NCAPH: variants seen among roughly 807,000 people sequenced by gnomAD.
NCAPH encodes condensin complex subunit 2.
In NCAPH, 38 loss-of-function variants were observed where a neutral mutation model predicts 85.5. The observed-to-expected ratio is 0.44, with a 90% CI of 0.34 to 0.58. The LOEUF is 0.58. NCAPH is among the 20% of genes least tolerant of loss of function. The probability of loss-of-function intolerance (pLI) is 0.01; values close to 1 mark genes in which losing one functional copy is unlikely to be tolerated. For missense variants in NCAPH, 789 were observed against 916.6 expected, an observed-to-expected ratio of 0.86 and a Z score of 1.80; for synonymous variants, 301 against 335.1, an observed-to-expected ratio of 0.90 and a Z score of 1.11.
In NCAPH at chr2:96,361,578, G is replaced by A. The variant is rs113433856; in HGVS notation, c.1587+868G>A. 1.5e-3 allele frequency among the ~76,000 whole-genome samples: 225 copies of A among 151,690 alleles called. 2 individuals are homozygous for A. Among genetic ancestry groups the A allele is most frequent in the Middle Eastern group, 6.8e-3 (2 of 294 alleles). ...ACCCTGATTACTGCCTCCTTCATTT[G>A]CCTGGGGCTCTTCTCACATGTCCCT... On this transcript the variant is annotated intron_variant, in intron 12 of 17. Coordinates refer to ENST00000240423, the MANE Select transcript of NCAPH (RefSeq NM_015341.5).
At chr2:96,338,535 A>G (rs2064246495) in intron 1 of NCAPH, among the ~76,000 whole-genome samples, 1 of 152,190 alleles carries the variant, frequency 6.6e-6, no homozygotes, top group Non-Finnish European at 1.5e-5. Flanking sequence ...TGCTCATGTG[A>G]TTAAGTTAAG....
intron 9 of NCAPH, among the ~76,000 whole-genome samples, chr2:96,355,074 ATTGAGAATAT>A (rs1301114493): frequency 1.3e-5 from 2 of 152,158 alleles, no homozygotes; most frequent in African/African-American, 4.8e-5. Context: ...CAACCAATAA[ATTGAGAATAT>A]TTGGAGGAGA....
At chr2:96,362,378 C>G (rs574904391) in intron 12 of NCAPH, among the ~76,000 whole-genome samples, 4 of 152,230 alleles carry the variant, frequency 2.6e-5, no homozygotes, top group Admixed American at 2.6e-4. Flanking sequence ...GCCTGTAATC[C>G]TAGCACTTTG....
intron 1 of NCAPH, among the ~76,000 whole-genome samples, chr2:96,341,124 G>T (rs1423719030): frequency 6.6e-6 from 1 of 152,112 alleles, no homozygotes; most frequent in Non-Finnish European, 1.5e-5. Context: ...TTTTCCTTTT[G>T]TAGTTAGCAA....
At chr2:96,340,336 G>C (rs990378865) in intron 1 of NCAPH, among the ~76,000 whole-genome samples, 1 of 149,092 alleles carries the variant, frequency 6.7e-6, no homozygotes, top group African/African-American at 2.5e-5. Flanking sequence ...TCTGGGATTA[G>C]ATACCCACCT....
At chr2:96,368,950 T>C (rs889331545) in intron 15 of NCAPH, 22 bp from the exon 16 acceptor site, 39 of 1,550,440 alleles carry the variant, frequency 2.5e-5, no homozygotes, top group Non-Finnish European at 3.2e-5. Context: ...AACTGTCCGA[T>C]GTATAAATGT....
intron 12 of NCAPH, among the ~76,000 whole-genome samples, 190 bp from the exon 13 acceptor site, chr2:96,364,291 G>A (rs1454346614): frequency 6.6e-6 from 1 of 152,186 alleles, no homozygotes; most frequent in Non-Finnish European, 1.5e-5. Flanking sequence ...GAGATGCTGA[G>A]CCCTGCTACT....
At chr2:96,368,895 G>A in intron 15 of NCAPH, 77 bp from the exon 16 acceptor site, 1 of 1,358,188 alleles carries the variant, frequency 7.4e-7, no homozygotes, top group African/African-American at 1.5e-5. Context: ...ACTTTTTGGT[G>A]ACACAACTTT....
At chr2:96,370,008 T>A (rs1344898584) in intron 17 of NCAPH, among the ~76,000 whole-genome samples, 1 of 152,204 alleles carries the variant, frequency 6.6e-6, no homozygotes, top group Non-Finnish European at 1.5e-5. Context: ...CGTGGCAGAC[T>A]CCTGTGCTAG....
In NCAPH at chr2:96,376,043, A is replaced by G. The variant is rs978897424; in HGVS notation, c.*2692A>G. ...GTTACCCAGTTTCAGGTATTCTGTT[A>G]TAGGTAACAGAAAACAAACTAATAC... is the stretch of plus-strand genomic sequence containing the variant. On this transcript the variant is annotated 3_prime_UTR_variant, in exon 18 of 18. Transcript: ENST00000240423. Among the ~76,000 whole-genome samples the G allele has an allele frequency of 6.6e-6, 1 of 152,214 alleles. No individual in the cohort carries two copies. Among genetic ancestry groups the G allele is most frequent in the Non-Finnish European group, 1.5e-5 (1 of 68,046 alleles).
At chr2:96,368,497 A>C (rs1280964529) in intron 15 of NCAPH, among the ~76,000 whole-genome samples, 1 of 152,112 alleles carries the variant, frequency 6.6e-6, no homozygotes, top group Non-Finnish European at 1.5e-5. Flanking sequence ...TCTACTAAAA[A>C]ATACAAAAAA....
intron 9 of NCAPH, among the ~76,000 whole-genome samples, chr2:96,354,812 G>T (rs184625289): frequency 2.0e-5 from 3 of 152,338 alleles, no homozygotes; most frequent in Non-Finnish European, 4.4e-5. Context: ...GCAAGAGTTT[G>T]TAAGGATTAG....
intron 11 of NCAPH, 109 bp downstream of exon 11, chr2:96,360,358 C>A: frequency 1.2e-6 from 1 of 817,382 alleles, no homozygotes; most frequent in Non-Finnish European, 1.9e-6. Context: ...TGGTTTCATT[C>A]TTCCTTGTTC....
chr2:96,335,835 A>G lies in NCAPH; in HGVS notation c.6A>G (p.Gly2=), dbSNP rs1318450958. 16 of 1,494,792 alleles carry G rather than the reference A, an allele frequency of 1.1e-5. No homozygotes were observed. The highest frequency in any genetic ancestry group is 3.8e-5 in the South Asian group (3 of 78,178). 92.6% of individuals were successfully genotyped at this position (1,494,792 alleles called of 1,614,324 possible). Reference sequence around the variant, plus strand: ...TCAGGAGACGCCAAGGAAAGATGGGACCTCCCGGCCCAGGTGAGCCGGGCG... The same window carrying G: ...TCAGGAGACGCCAAGGAAAGATGGGGCCTCCCGGCCCAGGTGAGCCGGGCG... The part of the protein sequence containing the change: M[G]PPGPALPATM... Residue 2 remains glycine (G), a synonymous_variant, in exon 1 of 18, where the codon GGA becomes GGG. Coordinates refer to ENST00000240423, the MANE Select transcript of NCAPH (RefSeq NM_015341.5).
rs1237057503 is a variant in NCAPH at position 96,341,863 on chromosome 2, T to C, written c.241T>C (p.Ser81Pro). 2 of 1,611,922 alleles carry C rather than the reference T, an allele frequency of 1.2e-6. No homozygotes were observed. The highest frequency in any genetic ancestry group is 1.7e-6 in the Non-Finnish European group (2 of 1,179,518). The change falls in exon 2 of 18, where the codon TCA (serine) becomes CCA (proline). Residue 81 changes from serine (S) to proline (P), a missense_variant. Transcript: ENST00000240423. The part of the protein sequence containing the change: ...RVFDLQFSTD[S>P]PRLLASPSSR... ...CTTTGATCTGCAGTTCAGCACTGAC[T>C]CACCTCGCTTATTGGCCTCCCCCTC...
intron 1 of NCAPH, among the ~76,000 whole-genome samples, chr2:96,339,207 G>A (rs191019560): frequency 6.6e-6 from 1 of 152,208 alleles, no homozygotes; most frequent in Non-Finnish European, 1.5e-5. Context: ...ACCATGCTGA[G>A]GTTTTTGTTT....
intron 2 of NCAPH, 38 bp downstream of exon 2, chr2:96,341,932 G>T: frequency 6.2e-7 from 1 of 1,604,284 alleles, no homozygotes; most frequent in Admixed American, 1.7e-5. Context: ...TGAGGCAGCC[G>T]CCTTGATATG....
chr2:96,372,328 T>C (rs548129123), intron 17 of NCAPH, among the ~76,000 whole-genome samples: 77 of 151,728 alleles, frequency 5.1e-4, no homozygotes, highest in African/African-American at 1.7e-3. Context: ...GAGGTGCGCG[T>C]GGATGGGGTT....
intron 7 of NCAPH, 31 bp downstream of exon 7, chr2:96,352,051 AT>A: frequency 1.3e-6 from 2 of 1,558,356 alleles, no homozygotes; most frequent in East Asian, 4.5e-5. Flanking sequence ...TCACCAGAGC[AT>A]TTCAGTCATT....
Sources: allele counts gnomAD v4.1 joint callset (sites outside exome capture counted in the v4.1 genomes callset), GRCh38; gene constraint gnomAD v4.1.1; transcripts MANE v1.5; gene names NCBI Gene and HGNC (gene_info 2026-07-23, HGNC 2026-07-21).